TMEM232: variants seen among roughly 807,000 people sequenced by gnomAD.
The protein encoded by TMEM232 is transmembrane protein 232.
In TMEM232, 80 loss-of-function variants were observed where a neutral mutation model predicts 78.8. The observed-to-expected ratio is 1.01, with a 90% CI of 0.85 to 1.22. The LOEUF is 1.22. Ranked by LOEUF, TMEM232 falls within the 50% of genes most tolerant of loss-of-function variation. The pLI is 0.00. For missense variants in TMEM232, 881 were observed against 742.2 expected (o/e 1.19, Z -2.17); for synonymous variants, 297 against 254.3 (o/e 1.17, Z -1.60).
intron 2 of TMEM232, among the ~76,000 whole-genome samples, chr5:110,733,763 C>T (rs934470930): frequency 1.3e-5 from 2 of 152,076 alleles, no homozygotes; most frequent in Non-Finnish European, 2.9e-5. Flanking sequence ...GATGAAATAA[C>T]CTGTACAACA....
chr5:110,542,235 G>C (rs966352791), intron 11 of TMEM232, among the ~76,000 whole-genome samples: 1 of 152,142 alleles, frequency 6.6e-6, no homozygotes, highest in Non-Finnish European at 1.5e-5. Flanking sequence ...CTGGATAATA[G>C]TAGCCATTTT....
At chr5:110,444,824 G>T (rs1237085120) in intron 12 of TMEM232, among the ~76,000 whole-genome samples, 2 of 152,026 alleles carry the variant, frequency 1.3e-5, no homozygotes. Flanking sequence ...AAGCCTCTTT[G>T]CTTCTTATTT....
intron 1 of TMEM232, among the ~76,000 whole-genome samples, chr5:110,697,937 G>T (rs1435520245): frequency 1.3e-5 from 2 of 152,134 alleles, no homozygotes; most frequent in Non-Finnish European, 2.9e-5. Flanking sequence ...CCATTACTGG[G>T]TATATACCCA....
At chr5:110,416,708 A>AAAG (rs1756228673), downstream of TMEM232, among the ~76,000 whole-genome samples, 1 of 152,232 alleles carries the variant, frequency 6.6e-6, no homozygotes, top group African/African-American at 2.4e-5. Flanking sequence ...GGTAGAAACA[A>AAAG]AAGAATCAAT....
intron 2 of TMEM232, among the ~76,000 whole-genome samples, chr5:110,643,093 G>C (rs972955491): frequency 9.2e-5 from 14 of 152,016 alleles, no homozygotes; most frequent in African/African-American, 2.4e-4. Flanking sequence ...CTTGACTTCG[G>C]CTCCAACCAG....
intron 11 of TMEM232, among the ~76,000 whole-genome samples, chr5:110,533,207 G>C (rs977328565): frequency 2.0e-5 from 3 of 152,136 alleles, no homozygotes; most frequent in South Asian, 2.1e-4. Flanking sequence ...CTGCCGCAAG[G>C]CTTCACAGAC....
intron 11 of TMEM232, among the ~76,000 whole-genome samples, chr5:110,543,934 G>T (rs1000310261): frequency 6.6e-6 from 1 of 152,088 alleles, no homozygotes; most frequent in African/African-American, 2.4e-5. Flanking sequence ...AATATTAAGA[G>T]ACTTGAATGC....
rs66736608 is a variant in TMEM232 at position 110,620,577 on chromosome 5, ATC to A, written c.769-2017_769-2016del. ...TAGTTCCTTGTGGTATGTCTCTCAT[ATC>A]TCTCTCTCTCTCTCTCTCTCTCTCT... On this transcript the variant is annotated intron_variant, in intron 7 of 13. Coordinates refer to ENST00000455884, the MANE Select transcript of TMEM232 (RefSeq NM_001039763.4). 9.5e-3 allele frequency among the ~76,000 whole-genome samples: 409 copies of A among 43,096 alleles called. 16 individuals are homozygous for A. Among genetic ancestry groups the A allele is most frequent in the Admixed American group, 0.019 (60 of 3,164 alleles). The allele number at this position is 43,096 out of a possible 152,430, so 28.3% of individuals were successfully genotyped here. A position where few individuals can be genotyped will look rare whatever the true frequency, so the allele number is the denominator to read the frequency against.
At chr5:110,429,860 T>C (rs781777355) in intron 12 of TMEM232, 1 of 151,800 alleles carries the variant, frequency 6.6e-6, no homozygotes, top group Non-Finnish European at 1.5e-5. Flanking sequence ...TTGTTCTAAT[T>C]AATTGTGTAC....
At chr5:110,587,691 A>ATGTGTG (rs147127408) in intron 10 of TMEM232, among the ~76,000 whole-genome samples, 3,428 of 62,958 alleles carry the variant, frequency 0.054, 161 homozygotes, top group Admixed American at 0.071. Context: ...ATATATATAT[A>ATGTGTG]TGTGTGTGTG....
intron 1 of TMEM232, among the ~76,000 whole-genome samples, chr5:110,714,591 A>G (rs143533774): frequency 9.2e-5 from 14 of 152,292 alleles, no homozygotes; most frequent in African/African-American, 3.4e-4. Flanking sequence ...AGTTGACACA[A>G]TGTCCAATAC....
At chr5:110,705,764 G>A (rs1036538752) in intron 1 of TMEM232, among the ~76,000 whole-genome samples, 16 of 86,040 alleles carry the variant, frequency 1.9e-4, no homozygotes, top group African/African-American at 1.1e-3. Flanking sequence ...ATGTGTGTGC[G>A]TGTGTGTGTG....
intron 1 of TMEM232, among the ~76,000 whole-genome samples, chr5:110,695,819 C>T (rs1196735740): frequency 2.6e-5 from 4 of 151,966 alleles, no homozygotes; most frequent in African/African-American, 4.8e-5. Flanking sequence ...AATAGCTTAC[C>T]AACCAAAAAA....
intron 8 of TMEM232, among the ~76,000 whole-genome samples, chr5:110,606,838 C>T (rs189184944): frequency 7.1e-4 from 108 of 151,700 alleles, no homozygotes; most frequent in Non-Finnish European, 1.3e-3. Context: ...GGAAATCATA[C>T]AAGAATTTGT....
intron 8 of TMEM232, among the ~76,000 whole-genome samples, chr5:110,614,841 A>G (rs980521412): frequency 2.0e-5 from 3 of 152,016 alleles, no homozygotes; most frequent in African/African-American, 7.2e-5. Context: ...GAATCACCAC[A>G]ACTTCCAGAA....
chr5:110,619,063 G>A (rs1413063425), intron 7 of TMEM232, among the ~76,000 whole-genome samples: 1 of 152,156 alleles, frequency 6.6e-6, no homozygotes, highest in Non-Finnish European at 1.5e-5. Context: ...CAAATAAGCT[G>A]TTGTTTAGTT....
At chr5:110,636,461 T>G (rs1477818611) in intron 5 of TMEM232, among the ~76,000 whole-genome samples, 2 of 151,982 alleles carry the variant, frequency 1.3e-5, no homozygotes, top group African/African-American at 2.4e-5. Context: ...ATGGATACCC[T>G]AAATATCCTG....
At chr5:110,522,706 TA>T (rs1475021944) in intron 12 of TMEM232, among the ~76,000 whole-genome samples, 4 of 152,202 alleles carry the variant, frequency 2.6e-5, no homozygotes, top group African/African-American at 4.8e-5. Flanking sequence ...AAATGTAGTA[TA>T]TAACATTAAT....
intron 1 of TMEM232, among the ~76,000 whole-genome samples, chr5:110,693,730 G>C (rs1234695155): frequency 6.6e-6 from 1 of 152,140 alleles, no homozygotes. Flanking sequence ...TGAATGAAAT[G>C]AAGCAAGAAG....
Sources: allele counts gnomAD v4.1 joint callset (sites outside exome capture counted in the v4.1 genomes callset), GRCh38; gene constraint gnomAD v4.1.1; transcripts MANE v1.5; gene names NCBI Gene and HGNC (gene_info 2026-07-23, HGNC 2026-07-21).